The following CALCB variants were observed in gnomAD, a reference collection of about 807,000 sequenced individuals.
CALCB encodes the protein calcitonin gene-related peptide 2.
In CALCB, 8 loss-of-function variants were observed where a neutral mutation model predicts 10.7. The observed-to-expected ratio is 0.75, with a 90% CI of 0.44 to 1.34. The LOEUF (loss-of-function observed/expected upper bound fraction) is 1.34. Among genes scored for constraint, CALCB ranks in the 40% most tolerant of loss-of-function variants. The pLI is 0.01. For missense variants in CALCB, 176 were observed against 162.5 expected (o/e 1.08, Z -0.45); for synonymous variants, 76 against 66.9 (o/e 1.14, Z -0.66).
chr11:15,076,046 G>C (rs3829221), intron 3 of CALCB, among the ~76,000 whole-genome samples: 4,960 of 152,180 alleles, frequency 0.033, 228 homozygotes, highest in African/African-American at 0.11. Flanking sequence ...TGTGTGAGCT[G>C]CCCTCCTGCC....
chr11:15,076,357 G>T (rs1445493452), intron 3 of CALCB, among the ~76,000 whole-genome samples: 1 of 152,196 alleles, frequency 6.6e-6, no homozygotes, highest in Non-Finnish European at 1.5e-5. Context: ...GGGTCCCCCA[G>T]ATGGCAGCTG....
intron 1 of CALCB, among the ~76,000 whole-genome samples, chr11:15,073,974 A>T (rs1850371227): frequency 6.6e-6 from 1 of 152,232 alleles, no homozygotes; most frequent in Non-Finnish European, 1.5e-5. Flanking sequence ...GATTCTGCAG[A>T]GTTGGGTCCG....
Position 15,074,738 on chromosome 11 carries a change from C to T in CALCB, c.20C>T (p.Ser7Phe), listed in dbSNP as rs763415957. MGFRKF[S>F]PFLALSILVL... ...GGCGGCATGGGTTTCCGGAAGTTCT[C>T]CCCCTTCCTGGCTCTCAGTATCTTG... The change falls in exon 2 of 5, where the codon TCC becomes TTC. Residue 7 changes from serine (S) to phenylalanine (F), a missense_variant. Transcript: ENST00000324229. 1.9e-6 allele frequency: 3 copies of T among 1,614,062 alleles called. No individual in the cohort carries two copies. Among genetic ancestry groups the T allele is most frequent in the South Asian group, 2.2e-5 (2 of 91,070 alleles).
At chr11:15,077,256 C>T (rs753845066) in intron 3 of CALCB, 30 bp from the exon 4 acceptor site, 13 of 1,610,050 alleles carry the variant, frequency 8.1e-6, no homozygotes, top group Middle Eastern at 1.7e-4. Context: ...ACTCACAGGT[C>T]TTCTCTTCTT....
rs772714787 is a variant in CALCB at position 15,077,334 on chromosome 11, T to C, written c.273T>C (p.His91=). ...GCAACACTGCCACCTGTGTGACTCATCGGCTGGCAGGCTTGCTGAGCAGAT... is the reference window on the plus strand; with the variant it reads ...GCAACACTGCCACCTGTGTGACTCACCGGCTGGCAGGCTTGCTGAGCAGAT... ...RACNTATCVT[H]RLAGLLSRSG... The change falls in exon 4 of 5, where the codon CAT becomes CAC. Residue 91 remains histidine, a synonymous_variant. Transcript: ENST00000324229. 1 of 1,614,242 alleles carries C rather than the reference T, an allele frequency of 6.2e-7. No individual in the cohort carries two copies. Among genetic ancestry groups the C allele is most frequent in the East Asian group, 2.2e-5 (1 of 44,886 alleles).
At chr11:15,076,180 C>T (rs1473514061) in intron 3 of CALCB, among the ~76,000 whole-genome samples, 2 of 152,188 alleles carry the variant, frequency 1.3e-5, no homozygotes, top group Non-Finnish European at 2.9e-5. Context: ...CTTGAGCAGT[C>T]CTAGATTTAA....
Sources: gnomAD v4.1 joint callset for allele counts (sites outside exome capture counted in the v4.1 genomes callset) on GRCh38, gnomAD v4.1.1 for gene constraint, MANE v1.5 for transcripts, NCBI Gene and HGNC (gene_info 2026-07-23, HGNC 2026-07-21) for gene names.